The following DGKB variants were observed in gnomAD, a reference collection of about 807,000 sequenced individuals.
The protein encoded by DGKB is 90 kDa diacylglycerol kinase.
DGKB carries 67 observed loss-of-function variants against 114.3 expected under a neutral mutation model. That is an observed-to-expected ratio of 0.59 (90% CI 0.48 to 0.72). DGKB has a LOEUF of 0.72. Ranked by LOEUF, DGKB falls within the 30% of genes least tolerant of loss-of-function variation. The pLI is 0.00. For missense variants in DGKB, 907 were observed against 975.2 expected (o/e 0.93, Z 0.93); for synonymous variants, 398 against 323.1 (o/e 1.23, Z -2.49).
At chr7:14,367,054 A>T (rs1467425176) in intron 21 of DGKB, among the ~76,000 whole-genome samples, 2 of 152,136 alleles carry the variant, frequency 1.3e-5, no homozygotes, top group Admixed American at 1.3e-4. Context: ...ATCCTTTCCC[A>T]GGCTAGAGAC....
chr7:14,703,826 T>C (rs192192271), intron 6 of DGKB, among the ~76,000 whole-genome samples: 1 of 152,290 alleles, frequency 6.6e-6, no homozygotes, highest in Non-Finnish European at 1.5e-5. Context: ...AATAATAACA[T>C]GCTTTATTAA....
At chr7:14,746,334 C>T (rs1046967554) in intron 4 of DGKB, among the ~76,000 whole-genome samples, 18 of 150,726 alleles carry the variant, frequency 1.2e-4, no homozygotes, top group African/African-American at 4.4e-4. Flanking sequence ...ACTCCATATA[C>T]AAAAAAAAGG....
intron 23 of DGKB, among the ~76,000 whole-genome samples, chr7:14,255,460 G>T (rs1489277479): frequency 6.6e-6 from 1 of 151,762 alleles, no homozygotes; most frequent in Non-Finnish European, 1.5e-5. Context: ...TAATTAAGTG[G>T]GAAGAAAGAA....
chr7:14,781,267 A>G (rs1313612725), intron 2 of DGKB, among the ~76,000 whole-genome samples: 2 of 152,222 alleles, frequency 1.3e-5, no homozygotes, highest in Non-Finnish European at 2.9e-5. Flanking sequence ...TCACTCCTAC[A>G]TGGGATTTGC....
At chr7:14,212,521 G>T (rs1299093904) in intron 23 of DGKB, among the ~76,000 whole-genome samples, 1 of 152,036 alleles carries the variant, frequency 6.6e-6, no homozygotes, top group Non-Finnish European at 1.5e-5. Context: ...AACAATTCAA[G>T]GATGGAATTA....
At chr7:14,693,873 G>A (rs2128994888) in intron 9 of DGKB, among the ~76,000 whole-genome samples, 1 of 152,232 alleles carries the variant, frequency 6.6e-6, no homozygotes, top group South Asian at 2.1e-4. Context: ...AGTAATACCT[G>A]GAGTGAATCA....
chr7:14,761,796 G>C (rs1008247864), intron 2 of DGKB, among the ~76,000 whole-genome samples: 8 of 152,142 alleles, frequency 5.3e-5, no homozygotes, highest in Non-Finnish European at 4.4e-5. Flanking sequence ...TGTAATGGGA[G>C]AAAGAACCTG....
intron 14 of DGKB, among the ~76,000 whole-genome samples, chr7:14,623,528 G>A (rs1808026226): frequency 1.3e-5 from 2 of 152,066 alleles, no homozygotes; most frequent in African/African-American, 4.8e-5. Context: ...TGAAAGTAAA[G>A]CTGTTTTTAA....
chr7:14,962,348 T>C (rs1786896417), intron 1 of DGKB, among the ~76,000 whole-genome samples: 1 of 152,190 alleles, frequency 6.6e-6, no homozygotes, highest in African/African-American at 2.4e-5. Context: ...CCTTTCCTAC[T>C]GTAGTGATTA....
chr7:14,392,995 G>GTTTTTGTTTTTTTTT lies in DGKB; in HGVS notation c.1836-47605_1836-47604insAAAAAAAAACAAAAA. ...CAAAACAGACCTGTTTTTTGTTTTTGTTTTTTTTTTTTTGAGACGGAGTCT... is the reference window on the plus strand; with the variant it reads ...CAAAACAGACCTGTTTTTTGTTTTTGTTTTTGTTTTTTTTTTTTTTTTTTTTTTGAGACGGAGTCT... On this transcript the variant is annotated intron_variant, in intron 21 of 25. Coordinates refer to ENST00000402815, the MANE Select transcript of DGKB (RefSeq NM_001350709.2). Among the ~76,000 whole-genome samples, 13 of 60,512 alleles carry GTTTTTGTTTTTTTTT rather than the reference G, an allele frequency of 2.1e-4. 1 individual carries two copies. Among genetic ancestry groups the GTTTTTGTTTTTTTTT allele is most frequent in the African/African-American group, 2.4e-4 (5 of 20,662 alleles). 39.7% of individuals were successfully genotyped at this position (60,512 alleles called of 152,430 possible). A position where few individuals can be genotyped will look rare whatever the true frequency, so the allele number is the denominator to read the frequency against.
At chr7:14,533,434 T>TTGCA (rs2128598981) in intron 20 of DGKB, among the ~76,000 whole-genome samples, 1 of 151,926 alleles carries the variant, frequency 6.6e-6, no homozygotes, top group African/African-American at 2.4e-5. Flanking sequence ...ATATGCATTA[T>TTGCA]ATAAGTTTCA....
At chr7:14,860,068 C>T (rs17310445) in intron 1 of DGKB, among the ~76,000 whole-genome samples, 49,979 of 151,926 alleles carry the variant, frequency 0.33, 10,031 homozygotes, top group Non-Finnish European at 0.44. Context: ...TTTCTTTAAG[C>T]ACTGAAATAA....
chr7:14,842,542 C>A (rs1411808268), intron 1 of DGKB, among the ~76,000 whole-genome samples: 1 of 152,182 alleles, frequency 6.6e-6, no homozygotes, highest in Non-Finnish European at 1.5e-5. Context: ...TTTGGGGAAG[C>A]AACACAAGTG....
intron 17 of DGKB, among the ~76,000 whole-genome samples, chr7:14,587,772 T>C (rs1801023634): frequency 6.6e-6 from 1 of 152,154 alleles, no homozygotes; most frequent in Non-Finnish European, 1.5e-5. Context: ...GCTCACATGA[T>C]TGTTACTAAT....
chr7:14,815,686 A>T (rs901700843), intron 2 of DGKB, among the ~76,000 whole-genome samples: 9 of 152,060 alleles, frequency 5.9e-5, no homozygotes, highest in Admixed American at 3.3e-4. Flanking sequence ...AGTGTTGGGG[A>T]TAGAGAACTT....
At chr7:14,656,300 T>C (rs1354364102) in intron 13 of DGKB, among the ~76,000 whole-genome samples, 5 of 151,690 alleles carry the variant, frequency 3.3e-5, no homozygotes, top group Non-Finnish European at 5.9e-5. Flanking sequence ...GCAATTTCAA[T>C]GTACCTTCTA....
chr7:14,800,225 T>C (rs1191789983), intron 2 of DGKB, among the ~76,000 whole-genome samples: 2 of 152,188 alleles, frequency 1.3e-5, no homozygotes, highest in Admixed American at 1.3e-4. Context: ...CTAGTCTCCT[T>C]TTCAAAAACA....
chr7:14,829,127 C>T (rs1382876781), intron 2 of DGKB, among the ~76,000 whole-genome samples: 1 of 152,192 alleles, frequency 6.6e-6, no homozygotes, highest in Non-Finnish European at 1.5e-5. Flanking sequence ...AATTTCCAAT[C>T]TTTACCTTCA....
chr7:14,732,908 T>C (rs530637776), intron 5 of DGKB, among the ~76,000 whole-genome samples: 1 of 152,352 alleles, frequency 6.6e-6, no homozygotes, highest in African/African-American at 2.4e-5. Context: ...GTTCTCTTTC[T>C]TCCATATGTG....
Sources: allele counts gnomAD v4.1 joint callset (sites outside exome capture counted in the v4.1 genomes callset), GRCh38; gene constraint gnomAD v4.1.1; transcripts MANE v1.5; gene names NCBI Gene and HGNC (gene_info 2026-07-23, HGNC 2026-07-21).